Variants in ALDH18A1 observed in about 807,000 individuals in gnomAD.
ALDH18A1 encodes the protein delta-1-pyrroline-5-carboxylate synthase.
In ALDH18A1, 44 loss-of-function variants were observed where a neutral mutation model predicts 88.8. The observed-to-expected ratio is 0.50, with a 90% confidence interval of 0.39 to 0.64. The LOEUF is 0.64. Among genes scored for constraint, ALDH18A1 ranks in the 30% least tolerant of loss-of-function variants. The pLI is 0.00. For synonymous variants in ALDH18A1, 331 were observed against 372.1 expected, an observed-to-expected ratio of 0.89 and a Z score of 1.27; for missense variants, 782 against 1,009.5, an observed-to-expected ratio of 0.77 and a Z score of 3.05.
At chr10:95,607,360 G>T (rs12778814) in intron 17 of ALDH18A1, among the ~76,000 whole-genome samples, 60,857 of 152,042 alleles carry the variant, frequency 0.4, 14,649 homozygotes, top group Non-Finnish European at 0.54. Flanking sequence ...GGACATGTTT[G>T]TGGTATCCCC....
rs1890186 is a variant in ALDH18A1 at position 95,633,883 on chromosome 10, G to C, written c.559-234C>G. On this transcript the variant is annotated intron_variant, in intron 5 of 17. Coordinates refer to ENST00000371224, the MANE Select transcript of ALDH18A1 (RefSeq NM_002860.4). Reference sequence around the variant, plus strand: ...TCAGGCCGTAATGCAGTGGCATAATGTCTGCTCACTGCAACCTCCACCTCC... The same window carrying C: ...TCAGGCCGTAATGCAGTGGCATAATCTCTGCTCACTGCAACCTCCACCTCC... 0.77 allele frequency among the ~76,000 whole-genome samples: 113,154 copies of C among 146,726 alleles called. 44,102 individuals are homozygous for C. Among genetic ancestry groups the C allele is most frequent in the Middle Eastern group, 0.86 (249 of 288 alleles).
intron 11 of ALDH18A1, among the ~76,000 whole-genome samples, chr10:95,624,068 C>T (rs1023053753): frequency 3.3e-5 from 5 of 152,212 alleles, no homozygotes; most frequent in African/African-American, 1.2e-4. Flanking sequence ...GAACTCAGAC[C>T]TCAGGTGATC....
At chr10:95,637,459 G>T in intron 3 of ALDH18A1, 23 bp from the exon 4 acceptor site, 1 of 1,613,628 alleles carries the variant, frequency 6.2e-7, no homozygotes, top group South Asian at 1.1e-5. Flanking sequence ...AAAGGAAAGG[G>T]GACTGTAAGT....
chr10:95,610,824 G>A (rs549482278), intron 16 of ALDH18A1, among the ~76,000 whole-genome samples: 8 of 152,226 alleles, frequency 5.3e-5, no homozygotes, highest in Non-Finnish European at 1.0e-4. Flanking sequence ...CCTCATTGGG[G>A]CCCTACTGGC....
chr10:95,646,308 C>T (rs1008825439), intron 2 of ALDH18A1, among the ~76,000 whole-genome samples: 6 of 152,150 alleles, frequency 3.9e-5, no homozygotes, highest in African/African-American at 1.4e-4. Flanking sequence ...AGCAGCCAGG[C>T]TAGCATGAAG....
chr10:95,626,731 C>T lies in ALDH18A1; in HGVS notation c.1124G>A (p.Arg375Lys). 1 of 1,613,994 alleles carries T rather than the reference C, an allele frequency of 6.2e-7. No homozygotes were observed. Among genetic ancestry groups the T allele is most frequent in the Non-Finnish European group, 8.5e-7 (1 of 1,179,908 alleles). ...CTCAGGTTCCAAGGTGGCCAACATC[C>T]TTCCTCCAGATCGCGCCATTTCTCC... ...QQGEMARSGG[R>K]MLATLEPEQR... is the part of the protein sequence containing the mutation. Residue 375 changes from arginine to lysine, a missense_variant, in exon 10 of 18, where the codon AGG becomes AAG. Around this residue, in one of 3 missense-constraint regions of ALDH18A1, gnomAD observed 556 missense variants for 654.5 expected, o/e 0.85. Transcript: ENST00000371224.
chr10:95,633,773 G>C, intron 5 of ALDH18A1, 124 bp from the exon 6 acceptor site: 1 of 671,032 alleles, frequency 1.5e-6, no homozygotes. Flanking sequence ...CAGATTAGAA[G>C]ATTAGAATGA....
intron 2 of ALDH18A1, among the ~76,000 whole-genome samples, chr10:95,649,887 TA>T (rs74369926): frequency 1.0e-3 from 131 of 125,120 alleles, no homozygotes; most frequent in African/African-American, 2.0e-3. Context: ...TCTCAAAAAA[TA>T]AAAAAAAAAA....
chr10:95,625,448 T>C lies in ALDH18A1; in HGVS notation c.1160A>G (p.Glu387Gly). 1 of 1,613,826 alleles carries C rather than the reference T, an allele frequency of 6.2e-7. No homozygotes were observed. Among genetic ancestry groups the C allele is most frequent in the Non-Finnish European group, 8.5e-7 (1 of 1,179,786 alleles). Reference sequence around the variant, plus strand: ...CAGATCAGCCAGATGATGGATAATTTCTGCTCTCTAGAAGAAAGGTACACC... The same window carrying C: ...CAGATCAGCCAGATGATGGATAATTCCTGCTCTCTAGAAGAAAGGTACACC... ...LATLEPEQRAEIIHHLADLLT... is the reference protein window; with the variant it reads ...LATLEPEQRAGIIHHLADLLT... The change falls in exon 11 of 18, where the codon GAA becomes GGA. Residue 387 changes from glutamate to glycine, a missense_variant. Around this residue, in one of 3 missense-constraint regions of ALDH18A1, gnomAD observed 556 missense variants for 654.5 expected, o/e 0.85. Coordinates refer to ENST00000371224, the MANE Select transcript of ALDH18A1 (RefSeq NM_002860.4).
chr10:95,638,819 T>A (rs1461075535), intron 3 of ALDH18A1, among the ~76,000 whole-genome samples: 1 of 152,186 alleles, frequency 6.6e-6, no homozygotes, highest in Admixed American at 6.5e-5. Flanking sequence ...TGAAACCTTT[T>A]AACTGGTCCA....
chr10:95,616,583 C>G lies in ALDH18A1; in HGVS notation c.1499G>C (p.Gly500Ala). Residue 500 changes from glycine to alanine, a missense_variant, in exon 13 of 18, where the codon GGC becomes GCC. Coordinates refer to ENST00000371224, the MANE Select transcript of ALDH18A1 (RefSeq NM_002860.4). Reference sequence around the variant, plus strand: ...CTCCTTCCCTCCTTTGAGTAACAAGCCATTGCCACTTGCGATAGCCAAAGC... The same window carrying G: ...CTCCTTCCCTCCTTTGAGTAACAAGGCATTGCCACTTGCGATAGCCAAAGC... Reference protein sequence around the residue: ...VAALAIASGNGLLLKGGKEAA... With the variant: ...VAALAIASGNALLLKGGKEAA... 1.2e-6 allele frequency: 2 copies of G among 1,606,818 alleles called. No individual in the cohort carries two copies. The highest frequency in any genetic ancestry group is 8.5e-7 in the Non-Finnish European group (1 of 1,176,788).
At chr10:95,614,635 CATG>C (rs1555257674) in intron 13 of ALDH18A1, among the ~76,000 whole-genome samples, 1 of 152,146 alleles carries the variant, frequency 6.6e-6, no homozygotes, top group Non-Finnish European at 1.5e-5. Flanking sequence ...GCTAGGGAGT[CATG>C]GTTCTCATGA....
intron 15 of ALDH18A1, among the ~76,000 whole-genome samples, chr10:95,612,310 C>T (rs946775138): frequency 3.3e-5 from 5 of 152,222 alleles, no homozygotes; most frequent in Non-Finnish European, 4.4e-5. Context: ...GGCTCTAATC[C>T]TGCTGCTGGT....
At chr10:95,647,403 C>G (rs1432249603) in intron 2 of ALDH18A1, among the ~76,000 whole-genome samples, 1 of 152,206 alleles carries the variant, frequency 6.6e-6, no homozygotes, top group Non-Finnish European at 1.5e-5. Flanking sequence ...CATGCATGAA[C>G]AGAGATTGGC....
intron 12 of ALDH18A1, among the ~76,000 whole-genome samples, chr10:95,617,123 T>C (rs1418801861): frequency 6.6e-6 from 1 of 152,198 alleles, no homozygotes; most frequent in African/African-American, 2.4e-5. Context: ...GGCAGGTGCC[T>C]GTAGTCCCAG....
At chr10:95,611,185 G>T (rs2296690) in intron 16 of ALDH18A1, 71 bp downstream of exon 16, 41 of 1,573,666 alleles carry the variant, frequency 2.6e-5, no homozygotes, top group South Asian at 1.1e-4. Flanking sequence ...CAGCCCAAGG[G>T]GGGCTAAGAG....
intron 3 of ALDH18A1, among the ~76,000 whole-genome samples, chr10:95,639,259 G>T (rs2097886863): frequency 6.6e-6 from 1 of 152,114 alleles, no homozygotes; most frequent in African/African-American, 2.4e-5. Flanking sequence ...GAGCCCTGGA[G>T]TTCAGGGCTG....
Position 95,606,754 on chromosome 10 carries a change from G to A in ALDH18A1, c.*8C>T, listed in dbSNP as rs201876082. On this transcript the variant is annotated 3_prime_UTR_variant, in exon 18 of 18. Transcript: ENST00000371224. The stretch of plus-strand genomic sequence containing the variant: ...TTTTGGAAAATTCCCGGGTTTTCCT[G>A]GCTCTTTTCAGTTGGTGTTTCTCTG... The A allele has an allele frequency of 6.1e-5, 98 of 1,614,070 alleles. No individual in the cohort carries two copies. In the African/African-American group the frequency reaches 1.2e-3, roughly 20 times the overall value.
At chr10:95,614,969 G>C (rs1480397774) in intron 13 of ALDH18A1, among the ~76,000 whole-genome samples, 1 of 152,190 alleles carries the variant, frequency 6.6e-6, no homozygotes, top group Non-Finnish European at 1.5e-5. Context: ...GAATGCCACA[G>C]ACATAACGAA....
Sources: allele counts gnomAD v4.1 joint callset (sites outside exome capture counted in the v4.1 genomes callset), GRCh38; gene constraint gnomAD v4.1.1; regional missense constraint gnomAD v4.1.1; transcripts MANE v1.5; gene names NCBI Gene and HGNC (gene_info 2026-07-23, HGNC 2026-07-21).